Variants in SYNPO2 observed in about 807,000 individuals in gnomAD.
SYNPO2 encodes the protein synaptopodin 2, also known as synaptopodin-2.
SYNPO2 carries 56 observed loss-of-function variants against 85.0 expected under a neutral mutation model. The ratio of observed to expected loss-of-function variants is 0.66; its 90% confidence interval spans 0.53 to 0.82. The LOEUF (loss-of-function observed/expected upper bound fraction) is 0.82, where lower values mean the gene tolerates loss of function less well. SYNPO2 is among the 40% of genes least tolerant of loss of function. SYNPO2 has a pLI of 0.00. For synonymous variants in SYNPO2, 602 were observed against 591.1 expected (o/e 1.02, Z -0.27); for missense variants, 1,575 against 1,534.2 (o/e 1.03, Z -0.44).
intron 4 of SYNPO2, among the ~76,000 whole-genome samples, chr4:119,046,463 C>T (rs1010662210): frequency 1.3e-5 from 2 of 152,186 alleles, no homozygotes; most frequent in African/African-American, 2.4e-5. Flanking sequence ...GCCTCGGAGG[C>T]GTGCACTGCT....
intron 1 of SYNPO2, among the ~76,000 whole-genome samples, chr4:119,017,702 A>G (rs577375797): frequency 3.3e-5 from 5 of 152,230 alleles, no homozygotes; most frequent in South Asian, 4.1e-4. Context: ...TCTCTTTTTC[A>G]TTGATTTCAA....
Position 118,960,447 on chromosome 4 carries a change from T to G in SYNPO2, c.106-62983T>G, listed in dbSNP as rs771288573. Among the ~76,000 whole-genome samples, 26 of 152,182 alleles carry G rather than the reference T, an allele frequency of 1.7e-4. 1 individual carries two copies. The highest frequency in any genetic ancestry group is 4.8e-4 in the African/African-American group (20 of 41,536). On this transcript the variant is annotated intron_variant, in intron 1 of 4. Coordinates refer to ENST00000307142, the MANE Select transcript of SYNPO2 (RefSeq NM_133477.3). ...TCATATTGCTGGTGAGAATGTAAAA[T>G]GGTAAAATCGTAAATTGAATGTAAA...
chr4:118,972,639 TC>T (rs1235267785), intron 1 of SYNPO2, among the ~76,000 whole-genome samples: 20 of 152,334 alleles, frequency 1.3e-4, no homozygotes, highest in African/African-American at 4.8e-4. Flanking sequence ...CTTTGTTTTT[TC>T]TCCATCACTT....
chr4:119,034,167 T>C (rs1485341305), intron 4 of SYNPO2: 1 of 985,376 alleles, frequency 1.0e-6, no homozygotes, highest in African/African-American at 1.7e-5. Context: ...TTGAATTCTT[T>C]TCTAATAGAA....
At position 118,975,952 on chromosome 4, in the gene SYNPO2, A is replaced by G. The variant is rs542271696; in HGVS notation, c.106-47478A>G. ...CAGGAGAAAAATAAATATTTTACAG[A>G]TTTGTTGCAAAAATATAAAAGTGCC... On this transcript the variant is annotated intron_variant, in intron 1 of 4. Coordinates refer to ENST00000307142, the MANE Select transcript of SYNPO2 (RefSeq NM_133477.3). 8.5e-5 allele frequency among the ~76,000 whole-genome samples: 13 copies of G among 152,330 alleles called. 1 individual carries two copies. In the South Asian group the frequency reaches 2.7e-3, roughly 32 times the overall value.
chr4:118,868,099 C>CA (rs1176222810), intron 1 of SYNPO2, among the ~76,000 whole-genome samples: 1 of 142,648 alleles, frequency 7.0e-6, no homozygotes, highest in Non-Finnish European at 1.5e-5. Context: ...GAGTAAGAGA[C>CA]AAAATCTTAT....
chr4:118,875,804 G>A lies in SYNPO2; in HGVS notation c.12+24864G>A, dbSNP rs73842282. Among the ~76,000 whole-genome samples the A allele has an allele frequency of 4.3e-3, 660 of 152,312 alleles. 2 individuals are homozygous for A. The highest frequency in any genetic ancestry group is 0.015 in the African/African-American group (616 of 41,554). Reference sequence around the variant, plus strand: ...TTGGTGTTGTGGTAAACCTCTGCCCGTTAATGTTTCCACACTGGGTGAATT... The same window carrying A: ...TTGGTGTTGTGGTAAACCTCTGCCCATTAATGTTTCCACACTGGGTGAATT... On this transcript the variant is annotated intron_variant, in intron 1 of 4. Transcript: ENST00000610556.
intron 1 of SYNPO2, among the ~76,000 whole-genome samples, chr4:118,964,297 AACACAC>A (rs10523074): frequency 0.1 from 14,474 of 140,550 alleles, 895 homozygotes; most frequent in Non-Finnish European, 0.15. Context: ...AAACACACAC[AACACAC>A]ACACACACAC....
chr4:118,938,898 C>T (rs1376943765), intron 1 of SYNPO2, among the ~76,000 whole-genome samples: 2 of 152,154 alleles, frequency 1.3e-5, no homozygotes, highest in Admixed American at 6.5e-5. Flanking sequence ...ATAAACTTCA[C>T]CTTCTGGAGA....
chr4:118,874,371 A>G (rs868585091), intron 1 of SYNPO2, among the ~76,000 whole-genome samples: 19 of 152,226 alleles, frequency 1.2e-4, no homozygotes, highest in African/African-American at 4.6e-4. Flanking sequence ...AATAATAATA[A>G]TCTAAAGACT....
intron 1 of SYNPO2, among the ~76,000 whole-genome samples, chr4:118,992,425 G>A (rs1413993338): frequency 6.6e-6 from 1 of 152,162 alleles, no homozygotes; most frequent in Non-Finnish European, 1.5e-5. Flanking sequence ...GGATGACAAT[G>A]AGGTTTCCAA....
intron 4 of SYNPO2, chr4:119,042,669 GTTTAAC>G (rs1193386831): frequency 6.6e-6 from 1 of 152,102 alleles, no homozygotes; most frequent in East Asian, 1.9e-4. Context: ...CAATATTTTT[GTTTAAC>G]TTTAACATTA....
chr4:119,041,416 T>C (rs181169716), intron 4 of SYNPO2, among the ~76,000 whole-genome samples: 1 of 152,316 alleles, frequency 6.6e-6, no homozygotes, highest in Admixed American at 6.5e-5. Context: ...GTTGAACTAA[T>C]ATAATGTACT....
chr4:119,039,480 A>G (rs1307445444), intron 4 of SYNPO2, among the ~76,000 whole-genome samples: 1 of 152,188 alleles, frequency 6.6e-6, no homozygotes, highest in African/African-American at 2.4e-5. Flanking sequence ...GGTAGCTCCA[A>G]GCAATAGACA....
rs1738018253 is a variant in SYNPO2, at chr4:119,027,443, G to A, written c.1069+5G>A. The A allele has an allele frequency of 6.3e-7, 1 of 1,575,498 alleles. No homozygotes were observed. The highest frequency in any genetic ancestry group is 1.3e-5 in the African/African-American group (1 of 74,164). On this transcript the variant is annotated splice_donor_5th_base_variant and intron_variant, in intron 3 of 4. Transcript: ENST00000307142. ...AGCACCGAGCGCGGCATGCACGTAA[G>A]TTCTGCCTGGGCTTTCAGAAGGGGC...
chr4:118,948,072 A>G (rs1270413555), intron 1 of SYNPO2, among the ~76,000 whole-genome samples: 1 of 152,212 alleles, frequency 6.6e-6, no homozygotes, highest in South Asian at 2.1e-4. Flanking sequence ...AATAAAAAAA[A>G]CACTTTTTTC....
intron 1 of SYNPO2, among the ~76,000 whole-genome samples, chr4:118,953,573 A>C (rs1734768672): frequency 6.6e-6 from 1 of 150,750 alleles, no homozygotes; most frequent in African/African-American, 2.4e-5. Flanking sequence ...GAGACTCTGG[A>C]GGACTCAATC....
chr4:118,882,921 C>A (rs1732132955), intron 1 of SYNPO2, among the ~76,000 whole-genome samples: 1 of 152,088 alleles, frequency 6.6e-6, no homozygotes, highest in Non-Finnish European at 1.5e-5. Context: ...AGCCACCACG[C>A]CCGGCTAATT....
At chr4:119,016,014 A>G (rs1737511744) in intron 1 of SYNPO2, among the ~76,000 whole-genome samples, 1 of 152,240 alleles carries the variant, frequency 6.6e-6, no homozygotes, top group South Asian at 2.1e-4. Context: ...ATAGAATTGT[A>G]TAAAATTGAT....
Sources: gnomAD v4.1 joint callset for allele counts (sites outside exome capture counted in the v4.1 genomes callset) on GRCh38, gnomAD v4.1.1 for gene constraint, MANE v1.5 for transcripts, NCBI Gene and HGNC (gene_info 2026-07-23, HGNC 2026-07-21) for gene names.